The following BLOC1S5 variants were observed in gnomAD, a reference collection of about 807,000 sequenced individuals.
The protein encoded by BLOC1S5 is biogenesis of lysosomal organelles complex 1 subunit 5.
A neutral mutation model predicts 24.3 loss-of-function variants in BLOC1S5; 27 were observed. The observed-to-expected ratio is 1.11, with a 90% CI of 0.82 to 1.53. The LOEUF is 1.53. Ranked by LOEUF, BLOC1S5 falls within the 40% of genes most tolerant of loss-of-function variation. BLOC1S5 has a pLI of 0.00. For synonymous variants in BLOC1S5, 84 were observed against 74.5 expected, an observed-to-expected ratio of 1.13 and a Z score of -0.66; for missense variants, 239 against 229.4, an observed-to-expected ratio of 1.04 and a Z score of -0.27.
At chr6:8,052,536 T>C (rs1288261683) in intron 2 of BLOC1S5, among the ~76,000 whole-genome samples, 6 of 152,092 alleles carry the variant, frequency 3.9e-5, no homozygotes, top group Non-Finnish European at 8.8e-5. Context: ...TGAGCAGTTC[T>C]AGACTTCAGC....
chr6:8,049,612 G>C (rs1262299651), intron 2 of BLOC1S5, among the ~76,000 whole-genome samples: 2 of 152,008 alleles, frequency 1.3e-5, no homozygotes, highest in East Asian at 3.8e-4. Context: ...CTCCTCCATA[G>C]CTTTCCCTTT....
intron 2 of BLOC1S5, among the ~76,000 whole-genome samples, chr6:8,055,871 T>C (rs981543318): frequency 5.3e-5 from 8 of 152,156 alleles, no homozygotes; most frequent in African/African-American, 1.9e-4. Context: ...ATAGTTTGAA[T>C]GTATCCCCCA....
At chr6:8,021,300 T>G (rs941703643) in intron 4 of BLOC1S5, among the ~76,000 whole-genome samples, 2 of 152,156 alleles carry the variant, frequency 1.3e-5, no homozygotes, top group Non-Finnish European at 2.9e-5. Flanking sequence ...AGTTTTGCAA[T>G]ATGAACGAGT....
chr6:8,055,896 A>G (rs1285106732), intron 2 of BLOC1S5, among the ~76,000 whole-genome samples: 2 of 152,192 alleles, frequency 1.3e-5, no homozygotes, highest in African/African-American at 4.8e-5. Context: ...TGTGTGCTGG[A>G]AATATAATGC....
chr6:8,034,012 C>A (rs1003715702), intron 3 of BLOC1S5, among the ~76,000 whole-genome samples: 1 of 152,202 alleles, frequency 6.6e-6, no homozygotes, highest in Admixed American at 6.5e-5. Context: ...GAAACAGGAT[C>A]GCTTTTACAC....
chr6:8,046,991 C>T (rs559699075), intron 2 of BLOC1S5, among the ~76,000 whole-genome samples: 2 of 151,872 alleles, frequency 1.3e-5, no homozygotes, highest in African/African-American at 4.8e-5. Context: ...ACTTTGTTGT[C>T]CAGGCTGGCC....
At chr6:8,031,835 A>G (rs1763310374) in intron 3 of BLOC1S5, among the ~76,000 whole-genome samples, 1 of 152,292 alleles carries the variant, frequency 6.6e-6, no homozygotes, top group African/African-American at 2.4e-5. Flanking sequence ...GCCAACTGAT[A>G]TTTGACAAAG....
At chr6:8,058,299 C>CA (rs1338650025) in intron 2 of BLOC1S5, among the ~76,000 whole-genome samples, 7 of 129,872 alleles carry the variant, frequency 5.4e-5, no homozygotes, top group Admixed American at 1.9e-4. Flanking sequence ...GTAGGAGGAT[C>CA]AATTGAGCCC....
intron 4 of BLOC1S5, among the ~76,000 whole-genome samples, chr6:8,024,966 G>A (rs1763059269): frequency 6.6e-6 from 1 of 152,144 alleles, no homozygotes; most frequent in African/African-American, 2.4e-5. Flanking sequence ...TACCCAATCT[G>A]GTCATCTTCC....
chr6:8,048,334 T>G (rs1036267875), intron 2 of BLOC1S5, among the ~76,000 whole-genome samples: 4 of 152,252 alleles, frequency 2.6e-5, no homozygotes, highest in African/African-American at 9.6e-5. Flanking sequence ...CCCACTGGGA[T>G]GTAGAAATGG....
At chr6:8,018,935 TA>T (rs1762826911) in intron 4 of BLOC1S5, among the ~76,000 whole-genome samples, 1 of 152,248 alleles carries the variant, frequency 6.6e-6, no homozygotes, top group South Asian at 2.1e-4. Context: ...AGATTCAATT[TA>T]ATCCTGGATG....
At chr6:8,030,361 T>C (rs1763255643) in intron 3 of BLOC1S5, among the ~76,000 whole-genome samples, 1 of 152,008 alleles carries the variant, frequency 6.6e-6, no homozygotes, top group South Asian at 2.1e-4. Context: ...GGTTTTACCA[T>C]GTTGGTCAGG....
intron 3 of BLOC1S5, among the ~76,000 whole-genome samples, chr6:8,037,815 T>C (rs953662127): frequency 9.2e-5 from 14 of 152,046 alleles, no homozygotes; most frequent in African/African-American, 3.1e-4. Flanking sequence ...AACCCAGATA[T>C]AAACTCACAC....
intron 2 of BLOC1S5, among the ~76,000 whole-genome samples, chr6:8,042,552 C>T (rs2113566253): frequency 6.6e-6 from 1 of 152,362 alleles, no homozygotes; most frequent in African/African-American, 2.4e-5. Flanking sequence ...GGCAGACGGG[C>T]TGCAAGCAGC....
At chr6:8,044,331 A>G (rs1182971827) in intron 2 of BLOC1S5, among the ~76,000 whole-genome samples, 2 of 149,900 alleles carry the variant, frequency 1.3e-5, no homozygotes, top group Non-Finnish European at 3.0e-5. Flanking sequence ...GCCTCCCACC[A>G]TGATTCTGAG....
chr6:8,041,291 T>C (rs771548114), intron 2 of BLOC1S5, 23 bp from the exon 3 acceptor site: 49 of 1,412,070 alleles, frequency 3.5e-5, no homozygotes, highest in Non-Finnish European at 4.0e-5. Flanking sequence ...AGTAGATGAC[T>C]AATAAATATG....
At chr6:8,049,841 G>T (rs1438189230) in intron 2 of BLOC1S5, among the ~76,000 whole-genome samples, 1 of 151,784 alleles carries the variant, frequency 6.6e-6, no homozygotes, top group African/African-American at 2.4e-5. Flanking sequence ...CCCCCAAGTA[G>T]CTGAGAGAAC....
At chr6:8,043,647 C>T (rs1349350424) in intron 2 of BLOC1S5, among the ~76,000 whole-genome samples, 2 of 152,196 alleles carry the variant, frequency 1.3e-5, no homozygotes, top group Non-Finnish European at 2.9e-5. Context: ...AATAGAAAAA[C>T]TGGTAAAATT....
Position 8,041,263 on chromosome 6 carries a change from T to C in BLOC1S5, c.201A>G (p.Lys67=). 1.9e-6 allele frequency: 3 copies of C among 1,608,168 alleles called. No individual in the cohort carries two copies. Among genetic ancestry groups the C allele is most frequent in the Non-Finnish European group, 1.7e-6 (2 of 1,178,166 alleles). Reference sequence around the variant, plus strand: ...GAACTCGCATTTCTCGAAGACCACGTTTTTCCTATTAAAAGAAAGTAGATG... The same window carrying C: ...GAACTCGCATTTCTCGAAGACCACGCTTTTCCTATTAAAAGAAAGTAGATG... ...TRYFVKEFEE[K]RGLREMRVLE... Residue 67 remains lysine, a synonymous_variant, in exon 3 of 5, where the codon AAA becomes AAG. Coordinates refer to ENST00000397457, the MANE Select transcript of BLOC1S5 (RefSeq NM_201280.3).
Sources: allele counts gnomAD v4.1 joint callset (sites outside exome capture counted in the v4.1 genomes callset), GRCh38; gene constraint gnomAD v4.1.1; transcripts MANE v1.5; gene names NCBI Gene and HGNC (gene_info 2026-07-23, HGNC 2026-07-21).